NAAA: variants seen among roughly 807,000 people sequenced by gnomAD.
NAAA encodes N-acylethanolamine acid amidase.
NAAA carries 39 observed loss-of-function variants against 44.8 expected under a neutral mutation model. The ratio of observed to expected loss-of-function variants is 0.87; its 90% confidence interval spans 0.67 to 1.14. The LOEUF is 1.14. NAAA is among the 50% of genes most tolerant of loss of function. The pLI is 0.00. For synonymous variants in NAAA, 178 were observed against 191.3 expected (o/e 0.93, Z 0.58); for missense variants, 460 against 467.8 (o/e 0.98, Z 0.15).
chr4:75,916,142 G>T lies in NAAA; in HGVS notation c.999-1157C>A, dbSNP rs1415360985. Reference sequence around the variant, plus strand: ...CTGATGAGCCACAGCAGAGGATGGAGATGTATTGCAGGTGGGTGTAATTTT... The same window carrying T: ...CTGATGAGCCACAGCAGAGGATGGATATGTATTGCAGGTGGGTGTAATTTT... On this transcript the variant is annotated intron_variant, in intron 9 of 10. Coordinates refer to ENST00000286733, the MANE Select transcript of NAAA (RefSeq NM_014435.4). Among the ~76,000 whole-genome samples the T allele has an allele frequency of 2.0e-5, 3 of 152,246 alleles. No individual in the cohort carries two copies. The East Asian group carries it at 5.8e-4, about 29-fold the overall frequency.
At chr4:75,927,356 G>C (rs1005515358) in intron 4 of NAAA, among the ~76,000 whole-genome samples, 10 of 152,040 alleles carry the variant, frequency 6.6e-5, no homozygotes, top group Admixed American at 5.2e-4. Flanking sequence ...GAGGTAGGAG[G>C]ATAACTTGAG....
At chr4:75,925,927 G>C (rs772852496) in intron 4 of NAAA, 116 bp from the exon 5 acceptor site, 4 of 943,830 alleles carry the variant, frequency 4.2e-6, no homozygotes, top group Non-Finnish European at 5.0e-6. Flanking sequence ...TTTGAAAGCA[G>C]AATCTTTTGT....
At chr4:75,919,751 TACAGG>T in intron 8 of NAAA, 153 bp downstream of exon 8, 1 of 712,428 alleles carries the variant, frequency 1.4e-6, no homozygotes, top group South Asian at 1.7e-5. Flanking sequence ...GTGCTGGGAT[TACAGG>T]TGTGAGCCAC....
intron 2 of NAAA, 145 bp from the exon 3 acceptor site, chr4:75,936,380 A>C (rs1727721844): frequency 1.1e-6 from 1 of 874,994 alleles, no homozygotes; most frequent in South Asian, 1.8e-5. Context: ...CTTGTATAAG[A>C]ATATAGATTA....
At chr4:75,927,644 C>A (rs920053115) in intron 4 of NAAA, among the ~76,000 whole-genome samples, 2 of 114,108 alleles carry the variant, frequency 1.8e-5, no homozygotes, top group Non-Finnish European at 3.9e-5. Context: ...CCCCCCCCCC[C>A]CCCGCCAAAA....
chr4:75,913,427 T>C (rs1484088470), downstream of NAAA, among the ~76,000 whole-genome samples: 4 of 152,090 alleles, frequency 2.6e-5, no homozygotes, highest in African/African-American at 9.7e-5. Context: ...TCTCATGGAC[T>C]GAGTGCTGCT....
chr4:75,913,113 G>T (rs1725395824), downstream of NAAA, among the ~76,000 whole-genome samples: 1 of 149,370 alleles, frequency 6.7e-6, no homozygotes, highest in Non-Finnish European at 1.5e-5. Flanking sequence ...ATTTCACACG[G>T]TTGCTTTATC....
At chr4:75,939,530 C>CTCAA (rs536536859) in intron 2 of NAAA, among the ~76,000 whole-genome samples, 84 of 151,944 alleles carry the variant, frequency 5.5e-4, no homozygotes, top group African/African-American at 1.9e-3. Context: ...ATTCTCCTGC[C>CTCAA]TCAACCTCCT....
chr4:75,924,299 T>C (rs2149259331), intron 5 of NAAA, among the ~76,000 whole-genome samples: 1 of 152,370 alleles, frequency 6.6e-6, no homozygotes, highest in East Asian at 1.9e-4. Flanking sequence ...TTGCACTTTG[T>C]GGCAAATTAT....
At chr4:75,934,229 T>C (rs1245433394) in intron 3 of NAAA, among the ~76,000 whole-genome samples, 2 of 151,948 alleles carry the variant, frequency 1.3e-5, no homozygotes, top group Admixed American at 1.3e-4. Context: ...CTGGGCCCCC[T>C]CATCTAGAAA....
In NAAA at chr4:75,928,690, A is replaced by G. The variant is rs538897248; in HGVS notation, c.589+2524T>C. Among the ~76,000 whole-genome samples the G allele has an allele frequency of 3.9e-5, 6 of 152,188 alleles. 1 individual carries two copies. The South Asian group carries it at 6.2e-4, about 16-fold the overall frequency. ...CAGGCCTGGAGATGCAACAACAACA[A>G]AAACACTTCTGTGGCCCTTGCTCTG... is the stretch of plus-strand genomic sequence containing the variant. On this transcript the variant is annotated intron_variant, in intron 4 of 10. Transcript: ENST00000286733.
At chr4:75,939,565 A>G (rs1728042642) in intron 2 of NAAA, among the ~76,000 whole-genome samples, 1 of 151,614 alleles carries the variant, frequency 6.6e-6, no homozygotes, top group Admixed American at 6.6e-5. Context: ...ACAGGCGCCC[A>G]CCACCACGCC....
chr4:75,930,926 C>T (rs1389199682), intron 4 of NAAA, among the ~76,000 whole-genome samples: 1 of 152,184 alleles, frequency 6.6e-6, no homozygotes, highest in Non-Finnish European at 1.5e-5. Context: ...GCAGAACTAG[C>T]TCCCGGATCA....
Position 75,936,213 on chromosome 4 carries a change from G to C in NAAA, c.394C>G (p.Gln132Glu). 1 of 1,613,722 alleles carries C rather than the reference G, an allele frequency of 6.2e-7. No homozygotes were observed. Among genetic ancestry groups the C allele is most frequent in the East Asian group, 2.2e-5 (1 of 44,860 alleles). ...SSVFCTSIVA[Q>E]DSRGHIYHGR... ...TGGTAAATGTGGCCTCTGGAGTCTT[G>C]AGCCACAATACTGGTGCAGAACCTG... The change falls in exon 3 of 11, where the codon CAA (glutamine) becomes GAA (glutamate). Residue 132 changes from glutamine to glutamate, a missense_variant. Gln to Glu is a conservative substitution (Grantham distance 29, BLOSUM62 2). Coordinates refer to ENST00000286733, the MANE Select transcript of NAAA (RefSeq NM_014435.4).
chr4:75,940,668 A>T, intron 1 of NAAA, 76 bp downstream of exon 1: 3 of 1,461,184 alleles, frequency 2.1e-6, no homozygotes, highest in Non-Finnish European at 2.7e-6. Context: ...CGTTTAAAGC[A>T]CTCTGAGCAG....
At chr4:75,917,768 CT>C in intron 9 of NAAA, 1 of 396,346 alleles carries the variant, frequency 2.5e-6, no homozygotes, top group Non-Finnish European at 4.9e-6. Flanking sequence ...ACCTGGCCTG[CT>C]TTCACTTAAA....
chr4:75,926,295 T>G (rs1289866685), intron 4 of NAAA, among the ~76,000 whole-genome samples: 1 of 152,160 alleles, frequency 6.6e-6, no homozygotes, highest in East Asian at 1.9e-4. Context: ...GTGTGGTGAC[T>G]CATGCCTGTA....
At chr4:75,916,873 G>A (rs986443406) in intron 9 of NAAA, 2 of 137,052 alleles carry the variant, frequency 1.5e-5, no homozygotes, top group Admixed American at 1.7e-4. Flanking sequence ...TCTGTCTCCC[G>A]GATTCGAGTG....
intron 5 of NAAA, among the ~76,000 whole-genome samples, chr4:75,923,464 C>T (rs961031900): frequency 2.6e-5 from 4 of 152,076 alleles, no homozygotes; most frequent in Admixed American, 2.6e-4. Context: ...CGGGTGAATG[C>T]CAGCAGCTGT....
Sources: gnomAD v4.1 joint callset for allele counts (sites outside exome capture counted in the v4.1 genomes callset) on GRCh38, gnomAD v4.1.1 for gene constraint, MANE v1.5 for transcripts, NCBI Gene and HGNC (gene_info 2026-07-23, HGNC 2026-07-21) for gene names.